The following GALNTL6 variants were observed in gnomAD, a reference collection of about 807,000 sequenced individuals.
The protein encoded by GALNTL6 is polypeptide N-acetylgalactosaminyltransferase like 6, also known as polypeptide N-acetylgalactosaminyltransferase-like 6.
GALNTL6 carries 46 observed loss-of-function variants against 73.7 expected under a neutral mutation model. The observed-to-expected ratio is 0.62, with a 90% CI of 0.49 to 0.80. The LOEUF (loss-of-function observed/expected upper bound fraction) is 0.80. GALNTL6 is among the 30% of genes least tolerant of loss of function. The pLI is 0.00. For synonymous variants in GALNTL6, 259 were observed against 263.7 expected (o/e 0.98, Z 0.17); for missense variants, 604 against 755.0 (o/e 0.80, Z 2.34).
chr4:171,937,098 C>G (rs1478410203), intron 2 of GALNTL6, among the ~76,000 whole-genome samples: 1 of 152,096 alleles, frequency 6.6e-6, no homozygotes, highest in African/African-American at 2.4e-5. Flanking sequence ...TGGATGAATT[C>G]TCCTTCTCTA....
intron 3 of GALNTL6, among the ~76,000 whole-genome samples, chr4:172,306,623 T>C (rs1254792191): frequency 6.6e-6 from 1 of 152,170 alleles, no homozygotes; most frequent in Non-Finnish European, 1.5e-5. Context: ...CCTGGTAGCT[T>C]TACCCCTGAG....
At chr4:172,200,854 T>A (rs987288038) in intron 2 of GALNTL6, among the ~76,000 whole-genome samples, 3 of 152,182 alleles carry the variant, frequency 2.0e-5, no homozygotes, top group South Asian at 2.1e-4. Flanking sequence ...ATCAGATAAT[T>A]TGGTAATTAT....
rs74537070 is a variant in GALNTL6 at position 172,832,864 on chromosome 4, G to A, written c.923+19141G>A. On this transcript the variant is annotated intron_variant, in intron 7 of 12. Coordinates refer to ENST00000506823, the MANE Select transcript of GALNTL6 (RefSeq NM_001034845.3). ...TAGACAGGACAAAATCGTGGCCACA[G>A]GTGGTGCTTGTCTCACCATCTAACA... Among the ~76,000 whole-genome samples the A allele has an allele frequency of 7.9e-3, 1,208 of 152,292 alleles. 12 individuals carry two copies. Among genetic ancestry groups the A allele is most frequent in the African/African-American group, 0.027 (1,136 of 41,566 alleles).
At chr4:172,140,980 G>A (rs1404706311) in intron 2 of GALNTL6, among the ~76,000 whole-genome samples, 1 of 152,078 alleles carries the variant, frequency 6.6e-6, no homozygotes, top group African/African-American at 2.4e-5. Flanking sequence ...GGATAAAGGT[G>A]TAGCAAGTCC....
chr4:172,003,091 C>T (rs1740726650), intron 2 of GALNTL6, among the ~76,000 whole-genome samples: 1 of 152,036 alleles, frequency 6.6e-6, no homozygotes, highest in South Asian at 2.1e-4. Flanking sequence ...CTCCTTCTTG[C>T]TTCTTTCATG....
intron 5 of GALNTL6, among the ~76,000 whole-genome samples, chr4:172,558,471 G>C (rs1372777408): frequency 2.0e-5 from 3 of 152,120 alleles, no homozygotes; most frequent in African/African-American, 7.2e-5. Context: ...TACAAGAAGA[G>C]GAAGAGACAG....
chr4:172,906,399 A>C (rs1049943332), intron 8 of GALNTL6, among the ~76,000 whole-genome samples: 24 of 152,234 alleles, frequency 1.6e-4, no homozygotes, highest in African/African-American at 5.8e-4. Flanking sequence ...ACTGACCTTC[A>C]AAAAGAAAAC....
chr4:171,814,295 TA>T, intron 1 of GALNTL6, 116 bp from the exon 2 acceptor site: 1 of 471,606 alleles, frequency 2.1e-6, no homozygotes, highest in Non-Finnish European at 3.8e-6. Flanking sequence ...TGCTTTATAT[TA>T]ATGGAGGTCA....
intron 5 of GALNTL6, among the ~76,000 whole-genome samples, chr4:172,678,715 G>C (rs930558800): frequency 5.3e-5 from 8 of 152,310 alleles, no homozygotes; most frequent in Non-Finnish European, 1.2e-4. Context: ...TGTGGACATA[G>C]AAAAAGCTCT....
chr4:172,929,608 C>T (rs1748224853), intron 8 of GALNTL6, among the ~76,000 whole-genome samples: 1 of 152,106 alleles, frequency 6.6e-6, no homozygotes, highest in Non-Finnish European at 1.5e-5. Flanking sequence ...ACACCTTCAT[C>T]CAATTGGATG....
intron 2 of GALNTL6, among the ~76,000 whole-genome samples, chr4:172,001,270 A>C (rs756486717): frequency 6.6e-6 from 1 of 152,176 alleles, no homozygotes; most frequent in Non-Finnish European, 1.5e-5. Context: ...TTTCAGTGTA[A>C]ACTGGAGGAA....
intron 5 of GALNTL6, among the ~76,000 whole-genome samples, chr4:172,531,361 T>C (rs1229833121): frequency 6.6e-6 from 1 of 152,216 alleles, no homozygotes; most frequent in Non-Finnish European, 1.5e-5. Flanking sequence ...CCAAGCTTTT[T>C]AACCATTGAG....
intron 2 of GALNTL6, among the ~76,000 whole-genome samples, chr4:172,171,304 A>G (rs577182155): frequency 1.3e-3 from 200 of 152,332 alleles, no homozygotes; most frequent in African/African-American, 4.7e-3. Flanking sequence ...TAAAAAGAAT[A>G]TACATTATAT....
At chr4:172,410,063 C>A (rs934721539) in intron 5 of GALNTL6, among the ~76,000 whole-genome samples, 4 of 151,872 alleles carry the variant, frequency 2.6e-5, no homozygotes, top group African/African-American at 9.7e-5. Context: ...AAGAATAAAT[C>A]TTTATTCATT....
chr4:171,946,988 A>G (rs979131302), intron 2 of GALNTL6, among the ~76,000 whole-genome samples: 26 of 152,134 alleles, frequency 1.7e-4, no homozygotes, highest in Non-Finnish European at 1.8e-4. Flanking sequence ...GCCCTGGCTC[A>G]TCTTTAGAAA....
chr4:172,199,520 G>A (rs1400225116), intron 2 of GALNTL6, among the ~76,000 whole-genome samples: 1 of 152,134 alleles, frequency 6.6e-6, no homozygotes, highest in African/African-American at 2.4e-5. Context: ...GTCTTTCCCA[G>A]TAAGTTTTGA....
At chr4:171,846,012 G>C (rs1262055290) in intron 2 of GALNTL6, among the ~76,000 whole-genome samples, 1 of 152,054 alleles carries the variant, frequency 6.6e-6, no homozygotes, top group Non-Finnish European at 1.5e-5. Context: ...CTTTGAGTTT[G>C]CTTTATTTCA....
rs11455034 is a variant in GALNTL6, at chr4:172,996,850, A to ATT, written c.1372-12322_1372-12321dup. Among the ~76,000 whole-genome samples the ATT allele has an allele frequency of 7.9e-5, 12 of 152,082 alleles. No homozygotes were observed. In the East Asian group the frequency reaches 9.7e-4, roughly 12 times the overall value. On this transcript the variant is annotated intron_variant, in intron 10 of 12. Transcript: ENST00000506823. ...TTCTAACTTTTCCTTTCAGAAATGG[A>ATT]TTTTTTTAAGTCCAGGTTTAAAATC...
intron 2 of GALNTL6, among the ~76,000 whole-genome samples, chr4:172,000,895 T>C (rs1390308539): frequency 6.6e-6 from 1 of 152,124 alleles, no homozygotes; most frequent in East Asian, 1.9e-4. Flanking sequence ...AGCATGAAAG[T>C]AGCACACATC....
Sources: allele counts gnomAD v4.1 joint callset (sites outside exome capture counted in the v4.1 genomes callset), GRCh38; gene constraint gnomAD v4.1.1; transcripts MANE v1.5; gene names NCBI Gene and HGNC (gene_info 2026-07-23, HGNC 2026-07-21).